Variants in GPR176 observed in about 807,000 individuals in gnomAD.
GPR176 encodes G-protein coupled receptor 176.
GPR176 carries 26 observed loss-of-function variants against 35.4 expected under a neutral mutation model. The observed-to-expected ratio is 0.74, with a 90% CI of 0.54 to 1.02. The LOEUF is 1.02. Ranked by LOEUF, GPR176 falls within the 50% of genes least tolerant of loss-of-function variation. The pLI is 0.00. For missense variants in GPR176, 597 were observed against 665.3 expected (o/e 0.90, Z 1.13); for synonymous variants, 278 against 271.3 (o/e 1.02, Z -0.24).
chr15:39,898,482 G>A (rs1487894900), intron 1 of GPR176, among the ~76,000 whole-genome samples: 1 of 152,208 alleles, frequency 6.6e-6, no homozygotes, highest in Non-Finnish European at 1.5e-5. Context: ...GACAGAGAGT[G>A]AAAGGAACAG....
intron 1 of GPR176, among the ~76,000 whole-genome samples, chr15:39,868,472 T>C (rs1011173487): frequency 2.6e-5 from 4 of 152,146 alleles, no homozygotes; most frequent in Non-Finnish European, 5.9e-5. Context: ...ACAAATGAGA[T>C]ACGAAGTAGG....
intron 1 of GPR176, among the ~76,000 whole-genome samples, chr15:39,827,539 A>G (rs1471270757): frequency 6.6e-6 from 1 of 152,168 alleles, no homozygotes; most frequent in Non-Finnish European, 1.5e-5. Context: ...CTTCTATCCC[A>G]CTGTGGCCAA....
intron 1 of GPR176, among the ~76,000 whole-genome samples, chr15:39,812,199 G>C (rs1415298548): frequency 1.3e-5 from 2 of 152,260 alleles, no homozygotes; most frequent in Non-Finnish European, 1.5e-5. Context: ...CTGGATTGAA[G>C]GATGCAAAGT....
At position 39,807,015 on chromosome 15, in the gene GPR176, G is replaced by A; in HGVS notation, c.416C>T (p.Ala139Val). The A allele has an allele frequency of 1.2e-6, 2 of 1,612,356 alleles. No individual in the cohort carries two copies. Among genetic ancestry groups the A allele is most frequent in the Non-Finnish European group, 1.7e-6 (2 of 1,179,354 alleles). Residue 139 changes from alanine (A) to valine (V), a missense_variant, in exon 2 of 3, where the codon GCT (alanine) becomes GTT (valine). This residue lies in a region of GPR176 where 220 missense variants were observed against 297.6 expected (regional missense o/e 0.74). Coordinates refer to ENST00000561100, the MANE Select transcript of GPR176 (RefSeq NM_007223.3). ...SVTILSFPAI[A>V]LDRYYSVLYP... Reference sequence around the variant, plus strand: ...GGCTACCTGATCTTACCTGTCCAAAGCAATAGCAGGGAAGCTGAGGATGGT... The same window carrying A: ...GGCTACCTGATCTTACCTGTCCAAAACAATAGCAGGGAAGCTGAGGATGGT...
chr15:39,866,603 T>A (rs905698203), intron 1 of GPR176, among the ~76,000 whole-genome samples: 1 of 152,180 alleles, frequency 6.6e-6, no homozygotes, highest in Non-Finnish European at 1.5e-5. Flanking sequence ...TAAGTGAGTA[T>A]ATTAATGTTC....
intron 1 of GPR176, among the ~76,000 whole-genome samples, chr15:39,844,936 G>T (rs1190123460): frequency 6.6e-6 from 1 of 152,072 alleles, no homozygotes; most frequent in African/African-American, 2.4e-5. Context: ...AGAAAATCCA[G>T]GGCAAACCAA....
At chr15:39,853,014 C>CA (rs1373652729) in intron 1 of GPR176, among the ~76,000 whole-genome samples, 2 of 152,006 alleles carry the variant, frequency 1.3e-5, no homozygotes, top group African/African-American at 4.8e-5. Flanking sequence ...GGAGGTTCCT[C>CA]AAAAAATTAA....
At chr15:39,908,550 C>CT (rs199790696) in intron 1 of GPR176, among the ~76,000 whole-genome samples, 20,230 of 143,932 alleles carry the variant, frequency 0.14, 2,005 homozygotes, top group African/African-American at 0.25. Context: ...AGGAGATTTT[C>CT]TTTTTTTTTT....
chr15:39,845,625 C>T (rs1332858156), intron 1 of GPR176, among the ~76,000 whole-genome samples: 1 of 151,882 alleles, frequency 6.6e-6, no homozygotes. Context: ...CCTGGTGATT[C>T]CAACATATAA....
chr15:39,846,901 A>G lies in GPR176; in HGVS notation c.173-39643T>C, dbSNP rs74008973. On this transcript the variant is annotated intron_variant, in intron 1 of 2. Transcript: ENST00000561100. Reference sequence around the variant, plus strand: ...ATCAGAAAATATAATTTTTTTCCTCAAGTTTTCTAAATTATGTTTAATAAA... The same window carrying G: ...ATCAGAAAATATAATTTTTTTCCTCGAGTTTTCTAAATTATGTTTAATAAA... Among the ~76,000 whole-genome samples, 690 of 152,266 alleles carry G rather than the reference A, an allele frequency of 4.5e-3. 3 individuals are homozygous for G. The highest frequency in any genetic ancestry group is 0.017 in the Middle Eastern group (5 of 294).
chr15:39,846,682 C>T (rs763390151), intron 1 of GPR176, among the ~76,000 whole-genome samples: 3 of 152,232 alleles, frequency 2.0e-5, no homozygotes, highest in Non-Finnish European at 4.4e-5. Flanking sequence ...AGTGACACAA[C>T]ATTTTTCACG....
intron 1 of GPR176, among the ~76,000 whole-genome samples, chr15:39,881,886 C>T (rs1042792144): frequency 2.6e-5 from 4 of 152,188 alleles, no homozygotes; most frequent in African/African-American, 9.7e-5. Flanking sequence ...AAGTTGGTCC[C>T]AGCAGCTGCC....
At chr15:39,890,186 A>G (rs1437694112) in intron 1 of GPR176, among the ~76,000 whole-genome samples, 2 of 152,202 alleles carry the variant, frequency 1.3e-5, no homozygotes, top group Non-Finnish European at 2.9e-5. Context: ...TTAAACATTT[A>G]CCAGCACACC....
chr15:39,901,655 C>T (rs928654709), intron 1 of GPR176, among the ~76,000 whole-genome samples: 12 of 152,140 alleles, frequency 7.9e-5, no homozygotes, highest in African/African-American at 2.9e-4. Context: ...GGCACTATAA[C>T]CTGGGAGTAT....
chr15:39,838,403 A>G (rs534562296), intron 1 of GPR176, among the ~76,000 whole-genome samples: 1 of 152,310 alleles, frequency 6.6e-6, no homozygotes, highest in East Asian at 1.9e-4. Flanking sequence ...CAAAGTTTTA[A>G]ATTCTAAGAT....
intron 1 of GPR176, among the ~76,000 whole-genome samples, chr15:39,864,444 A>G (rs72729430): frequency 0.021 from 3,176 of 148,066 alleles, 53 homozygotes; most frequent in Non-Finnish European, 0.034. Flanking sequence ...TGGCATATGC[A>G]GAAGAATGAA....
intron 1 of GPR176, among the ~76,000 whole-genome samples, chr15:39,812,260 G>C (rs1027761742): frequency 6.6e-6 from 1 of 152,182 alleles, no homozygotes; most frequent in Non-Finnish European, 1.5e-5. Context: ...ATTAACATTT[G>C]AGTCAGTGGA....
intron 1 of GPR176, among the ~76,000 whole-genome samples, chr15:39,905,797 G>GTGAA (rs2033404190): frequency 6.6e-6 from 1 of 151,968 alleles, no homozygotes; most frequent in Non-Finnish European, 1.5e-5. Flanking sequence ...GTTGCCAAGG[G>GTGAA]TGAAGGAGGG....
intron 1 of GPR176, among the ~76,000 whole-genome samples, chr15:39,917,574 G>A (rs906862730): frequency 6.6e-6 from 1 of 151,778 alleles, no homozygotes; most frequent in Non-Finnish European, 1.5e-5. Context: ...GATCTCAAGC[G>A]ATCTGCCCAC....
Sources: gnomAD v4.1 joint callset for allele counts (sites outside exome capture counted in the v4.1 genomes callset) on GRCh38, gnomAD v4.1.1 for gene constraint, gnomAD v4.1.1 regional missense constraint, MANE v1.5 for transcripts, NCBI Gene and HGNC (gene_info 2026-07-23, HGNC 2026-07-21) for gene names.